PIEZO2: variants seen among roughly 807,000 people sequenced by gnomAD.
PIEZO2 encodes piezo type mechanosensitive ion channel component 2.
PIEZO2 carries 172 observed loss-of-function variants against 337.3 expected under a neutral mutation model. That is an observed-to-expected ratio of 0.51 (90% confidence interval 0.45 to 0.58). The LOEUF is 0.58. Among genes scored for constraint, PIEZO2 ranks in the 20% least tolerant of loss-of-function variants. The pLI, the probability that PIEZO2 is intolerant of heterozygous loss-of-function variation, is 0.00. For missense variants in PIEZO2, 3,028 were observed against 3,391.3 expected (o/e 0.89, Z 2.66); for synonymous variants, 1,251 against 1,228.5 (o/e 1.02, Z -0.38).
intron 13 of PIEZO2, among the ~76,000 whole-genome samples, chr18:10,793,745 G>T (rs999279993): frequency 6.6e-6 from 1 of 152,140 alleles, no homozygotes; most frequent in Admixed American, 6.6e-5. Flanking sequence ...TTTTCAGCAT[G>T]GAGAAGCAGG....
intron 1 of PIEZO2, among the ~76,000 whole-genome samples, chr18:11,144,432 C>G (rs936083444): frequency 6.6e-6 from 1 of 152,106 alleles, no homozygotes; most frequent in African/African-American, 2.4e-5. Context: ...AGAGCTACAG[C>G]CACCGCAATA....
At position 10,770,315 on chromosome 18, in the gene PIEZO2, A is replaced by T; in HGVS notation, c.2786-7T>A. 1 of 1,535,192 alleles carries T rather than the reference A, an allele frequency of 6.5e-7. No homozygotes were observed. The highest frequency in any genetic ancestry group is 8.7e-7 in the Non-Finnish European group (1 of 1,145,838). On this transcript the variant is annotated splice_polypyrimidine_tract_variant and splice_region_variant and intron_variant, in intron 20 of 55. Coordinates refer to ENST00000674853, the MANE Select transcript of PIEZO2 (RefSeq NM_001378183.1). ...TGCCATTTGTTCCTTAAGTCTGCAA[A>T]ATAGGAAGTACAGACAAGAGCATAA...
intron 4 of PIEZO2, among the ~76,000 whole-genome samples, chr18:10,904,392 C>T (rs184905261): frequency 5.9e-5 from 9 of 152,330 alleles, no homozygotes; most frequent in Non-Finnish European, 1.5e-5. Flanking sequence ...TGACTTTACT[C>T]ATTTGTAAGA....
chr18:10,770,327 A>T lies in PIEZO2; in HGVS notation c.2786-19T>A. The T allele has an allele frequency of 6.6e-7, 1 of 1,522,752 alleles. No individual in the cohort carries two copies. The highest frequency in any genetic ancestry group is 8.8e-7 in the Non-Finnish European group (1 of 1,139,910). 94.3% of individuals were successfully genotyped at this position (1,522,752 alleles called of 1,614,324 possible). Reference sequence around the variant, plus strand: ...CTTAAGTCTGCAAAATAGGAAGTACAGACAAGAGCATAACATTTTTAAAAA... The same window carrying T: ...CTTAAGTCTGCAAAATAGGAAGTACTGACAAGAGCATAACATTTTTAAAAA... On this transcript the variant is annotated intron_variant, in intron 20 of 55. Transcript: ENST00000674853.
At chr18:11,108,373 T>G (rs370052962) in intron 1 of PIEZO2, among the ~76,000 whole-genome samples, 1 of 152,058 alleles carries the variant, frequency 6.6e-6, no homozygotes, top group South Asian at 2.1e-4. Flanking sequence ...CCCAGCACTT[T>G]GGGAGGCCGA....
At position 11,031,128 on chromosome 18, in the gene PIEZO2, T is replaced by C. The variant is rs1427611866; in HGVS notation, c.160+34999A>G. Among the ~76,000 whole-genome samples, 2 of 151,570 alleles carry C rather than the reference T, an allele frequency of 1.3e-5. No individual in the cohort carries two copies. Among genetic ancestry groups the C allele is most frequent in the Admixed American group, 1.3e-4 (2 of 15,202 alleles). On this transcript the variant is annotated intron_variant, in intron 2 of 55. Coordinates refer to ENST00000674853, the MANE Select transcript of PIEZO2 (RefSeq NM_001378183.1). This position sits in a 1 kb window ranked among gnomAD's most constrained non-coding sequence, Gnocchi z 4.7. ...CCTCAGCCTCTCGAGTTTCTGGGACTACAGGCGCCTGCCACCATGCCTGGC... is the reference window on the plus strand; with the variant it reads ...CCTCAGCCTCTCGAGTTTCTGGGACCACAGGCGCCTGCCACCATGCCTGGC...
Position 11,105,163 on chromosome 18 carries a change from A to T in PIEZO2, c.65-38941T>A, listed in dbSNP as rs1200123217. Among the ~76,000 whole-genome samples, 1 of 152,174 alleles carries T rather than the reference A, an allele frequency of 6.6e-6. No individual in the cohort carries two copies. The highest frequency in any genetic ancestry group is 6.5e-5 in the Admixed American group (1 of 15,288). On this transcript the variant is annotated intron_variant, in intron 1 of 55. Transcript: ENST00000674853. This position sits in a 1 kb window ranked among gnomAD's most constrained non-coding sequence, Gnocchi z 4.3. Reference sequence around the variant, plus strand: ...TGGGTCCCAGGCCTTGCCATGATGGAGGAAGTATCAATAAATCGCCCATTT... The same window carrying T: ...TGGGTCCCAGGCCTTGCCATGATGGTGGAAGTATCAATAAATCGCCCATTT...
intron 36 of PIEZO2, among the ~76,000 whole-genome samples, chr18:10,723,593 G>A (rs1349850925): frequency 6.6e-6 from 1 of 152,166 alleles, no homozygotes; most frequent in African/African-American, 2.4e-5. Context: ...TAGAGAGGAA[G>A]AGATTGATGA....
Position 11,078,348 on chromosome 18 carries a change from C to T in PIEZO2, c.65-12126G>A, listed in dbSNP as rs985482200. ...ATTCTATATTATTCTTGGCAGCATC[C>T]GCCTTGGACTGAGGTGTGCATTAAC... On this transcript the variant is annotated intron_variant, in intron 1 of 55. Coordinates refer to ENST00000674853, the MANE Select transcript of PIEZO2 (RefSeq NM_001378183.1). This position sits in a 1 kb window ranked among gnomAD's most constrained non-coding sequence, Gnocchi z 5.3. 9.9e-5 allele frequency among the ~76,000 whole-genome samples: 15 copies of T among 152,156 alleles called. No individual in the cohort carries two copies. The highest frequency in any genetic ancestry group is 2.9e-4 in the African/African-American group (12 of 41,430).
intron 48 of PIEZO2, 51 bp from the exon 49 acceptor site, chr18:10,689,853 AC>A (rs910212445): frequency 6.4e-7 from 1 of 1,555,810 alleles, no homozygotes; most frequent in Admixed American, 1.9e-5. Flanking sequence ...GGCCCCCACC[AC>A]CCTGCTCACC....
rs561333885 is a variant in PIEZO2 at position 10,887,006 on chromosome 18, C to T, written c.330-15591G>A. Among the ~76,000 whole-genome samples the T allele has an allele frequency of 4.0e-5, 6 of 150,306 alleles. No homozygotes were observed. The Middle Eastern group carries it at 0.018, about 441-fold the overall frequency. On this transcript the variant is annotated intron_variant, in intron 4 of 55. Coordinates refer to ENST00000674853, the MANE Select transcript of PIEZO2 (RefSeq NM_001378183.1). ...GGTAAAAGGGGAAACAGGCACATCA[C>T]AGGCCCAGAGCAGGAGCAAGAGAGA...
intron 2 of PIEZO2, among the ~76,000 whole-genome samples, chr18:11,063,419 C>T (rs147969681): frequency 0.017 from 2,005 of 119,042 alleles, 38 homozygotes; most frequent in African/African-American, 0.052. Context: ...TACCCTAAAA[C>T]TTAAAGTATA....
chr18:10,957,406 C>A (rs79919695), intron 3 of PIEZO2, among the ~76,000 whole-genome samples: 57 of 144,906 alleles, frequency 3.9e-4, no homozygotes, highest in Non-Finnish European at 4.4e-4. Context: ...AACAAACCAA[C>A]AAAAAAAAAA....
At chr18:10,849,817 C>A (rs537903395) in intron 7 of PIEZO2, among the ~76,000 whole-genome samples, 1 of 152,300 alleles carries the variant, frequency 6.6e-6, no homozygotes, top group South Asian at 2.1e-4. Flanking sequence ...TTTAGTTCAC[C>A]ATTTTTCTTC....
intron 7 of PIEZO2, among the ~76,000 whole-genome samples, chr18:10,841,111 G>A (rs1172398682): frequency 6.6e-6 from 1 of 152,150 alleles, no homozygotes; most frequent in Non-Finnish European, 1.5e-5. Flanking sequence ...GTTCAGGTGA[G>A]TGACAGGAAT....
intron 45 of PIEZO2, among the ~76,000 whole-genome samples, chr18:10,697,315 C>T (rs560586686): frequency 6.6e-6 from 1 of 152,282 alleles, no homozygotes; most frequent in Non-Finnish European, 1.5e-5. Flanking sequence ...GGTGGAGGGA[C>T]CTGTGTAGTG....
chr18:10,886,368 ATGTG>A (rs373877188), intron 4 of PIEZO2, among the ~76,000 whole-genome samples: 668 of 7,528 alleles, frequency 0.089, 129 homozygotes, highest in East Asian at 0.11. Flanking sequence ...ACACATATAT[ATGTG>A]TGTGTGTGTA....
At chr18:10,971,330 T>C (rs978607452) in intron 3 of PIEZO2, among the ~76,000 whole-genome samples, 11 of 152,208 alleles carry the variant, frequency 7.2e-5, no homozygotes, top group Non-Finnish European at 1.0e-4. Context: ...CCAAGAGTCA[T>C]CCAGTACATT....
chr18:11,021,825 TC>T lies in PIEZO2; in HGVS notation c.161-42166del, dbSNP rs779434883. ...GATGCAAACCAGGAAAATGCCCAGC[TC>T]TGCTGCAGTTCCATTCTTCTCCATC... On this transcript the variant is annotated intron_variant, in intron 2 of 55. Coordinates refer to ENST00000674853, the MANE Select transcript of PIEZO2 (RefSeq NM_001378183.1). This position sits in a 1 kb window ranked among gnomAD's most constrained non-coding sequence, Gnocchi z 4.7. Among the ~76,000 whole-genome samples the T allele has an allele frequency of 1.5e-4, 23 of 152,214 alleles. No homozygotes were observed. Among genetic ancestry groups the T allele is most frequent in the Non-Finnish European group, 3.2e-4 (22 of 68,042 alleles).
Sources: allele counts gnomAD v4.1 joint callset (sites outside exome capture counted in the v4.1 genomes callset), GRCh38; gene constraint gnomAD v4.1.1; non-coding constraint Gnocchi (gnomAD v3.1); transcripts MANE v1.5; gene names NCBI Gene and HGNC (gene_info 2026-07-23, HGNC 2026-07-21).